The following GABRA4 variants were observed in gnomAD, a reference collection of about 807,000 sequenced individuals.
The protein encoded by GABRA4 is gamma-aminobutyric acid type A receptor subunit alpha4.
Under a neutral mutation model 49.7 loss-of-function variants are expected in GABRA4, and 12 were observed. The ratio of observed to expected loss-of-function variants is 0.24; its 90% CI spans 0.15 to 0.39. GABRA4 has a LOEUF of 0.39. GABRA4 is among the 10% of genes least tolerant of loss of function. The pLI, the probability that GABRA4 is intolerant of heterozygous loss-of-function variation, is 1.00. For synonymous variants in GABRA4, 288 were observed against 240.2 expected (o/e 1.20, Z -1.84); for missense variants, 506 against 686.0 (o/e 0.74, Z 2.93).
At chr4:46,979,742 C>T (rs570102511) in intron 2 of GABRA4, among the ~76,000 whole-genome samples, 7 of 152,112 alleles carry the variant, frequency 4.6e-5, no homozygotes, top group South Asian at 2.1e-4. Flanking sequence ...ATTTTGATAG[C>T]GATCAAATGA....
intron 8 of GABRA4, among the ~76,000 whole-genome samples, chr4:46,959,942 T>C (rs1266919971): frequency 1.3e-5 from 2 of 150,758 alleles, no homozygotes; most frequent in African/African-American, 4.9e-5. Context: ...CATGAGACAG[T>C]CAGTATATTT....
At chr4:46,971,779 A>G (rs1481786806) in intron 6 of GABRA4, among the ~76,000 whole-genome samples, 1 of 151,106 alleles carries the variant, frequency 6.6e-6, no homozygotes, top group Non-Finnish European at 1.5e-5. Context: ...GAGAGAGGCT[A>G]CCATAGTTTT....
chr4:46,976,961 C>T, intron 5 of GABRA4, 100 bp downstream of exon 5: 1 of 676,824 alleles, frequency 1.5e-6, no homozygotes, highest in Non-Finnish European at 2.6e-6. Context: ...TGTTATGGAC[C>T]ATGACTTAAA....
At chr4:46,937,386 G>A (rs911689761) in intron 8 of GABRA4, among the ~76,000 whole-genome samples, 5 of 151,984 alleles carry the variant, frequency 3.3e-5, no homozygotes, top group African/African-American at 7.3e-5. Flanking sequence ...ATAATCTAAC[G>A]TCAATAAAAT....
intron 2 of GABRA4, among the ~76,000 whole-genome samples, chr4:46,980,090 G>T (rs1723296293): frequency 6.6e-6 from 1 of 152,066 alleles, no homozygotes; most frequent in African/African-American, 2.4e-5. Flanking sequence ...CATAGGTAAA[G>T]ATATTAATGA....
intron 7 of GABRA4, among the ~76,000 whole-genome samples, chr4:46,967,653 C>A (rs1317822671): frequency 6.6e-6 from 1 of 151,666 alleles, no homozygotes; most frequent in South Asian, 2.1e-4. Flanking sequence ...GCTTCCTCTG[C>A]ATCCAGGAAG....
At chr4:46,990,475 CA>C (rs1723705695) in intron 2 of GABRA4, among the ~76,000 whole-genome samples, 1 of 152,156 alleles carries the variant, frequency 6.6e-6, no homozygotes, top group Non-Finnish European at 1.5e-5. Flanking sequence ...GCCAGCTGGG[CA>C]CATCTTATTT....
rs1342898258 is a variant in GABRA4 at position 46,928,207 on chromosome 4, A to G, written c.*18T>C. Reference sequence around the variant, plus strand: ...CTGCATTTTCATCATCTTTTAGCAAACTACTATAGCAACGAAATTACATTA... The same window carrying G: ...CTGCATTTTCATCATCTTTTAGCAAGCTACTATAGCAACGAAATTACATTA... On this transcript the variant is annotated 3_prime_UTR_variant, in exon 9 of 9. Transcript: ENST00000264318. 1 of 1,550,290 alleles carries G rather than the reference A, an allele frequency of 6.5e-7. No homozygotes were observed. The highest frequency in any genetic ancestry group is 2.0e-5 in the Admixed American group (1 of 51,160).
intron 2 of GABRA4, among the ~76,000 whole-genome samples, chr4:46,991,180 C>T (rs11727163): frequency 0.11 from 15,951 of 140,374 alleles, 904 homozygotes; most frequent in South Asian, 0.2. Context: ...AGCGAGACTC[C>T]ATCTCAAAGA....
In GABRA4 at chr4:46,978,980, A is replaced by G. The variant is rs563524517; in HGVS notation, c.273+51T>C. ...ATAAATATTAATTGCCCTCTTTTCT[A>G]CATGTTTTCTTCAAGTCTCAAAAGG... On this transcript the variant is annotated intron_variant, in intron 3 of 8. Transcript: ENST00000264318. 8.5e-6 allele frequency: 10 copies of G among 1,176,566 alleles called. No individual in the cohort carries two copies. The Admixed American group carries it at 8.6e-5, about 10-fold the overall frequency. The allele number at this position is 1,176,566 out of a possible 1,614,324, so 72.9% of individuals were successfully genotyped here. A position where few individuals can be genotyped will look rare whatever the true frequency, so the allele number is the denominator to read the frequency against.
intron 8 of GABRA4, among the ~76,000 whole-genome samples, chr4:46,935,696 A>T (rs1264807210): frequency 6.6e-6 from 1 of 152,104 alleles, no homozygotes; most frequent in Non-Finnish European, 1.5e-5. Flanking sequence ...GAGGGATAGC[A>T]TTGGGAGAAA....
rs568383559 is a variant in GABRA4 at position 46,927,868 on chromosome 4, G to T, written c.*357C>A. 1.7e-3 allele frequency: 297 copies of T among 172,832 alleles called. No individual in the cohort carries two copies. Among genetic ancestry groups the T allele is most frequent in the Middle Eastern group, 0.011 (4 of 362 alleles). 10.7% of individuals were successfully genotyped at this position (172,832 alleles called of 1,614,324 possible). A position where few individuals can be genotyped will look rare whatever the true frequency, so the allele number is the denominator to read the frequency against. ...TGCCACTGGGAAATTTAGGGTGGCA[G>T]GTTGATACTCATAGGGCAGATTTTT... On this transcript the variant is annotated 3_prime_UTR_variant, in exon 9 of 9. Coordinates refer to ENST00000264318, the MANE Select transcript of GABRA4 (RefSeq NM_000809.4).
chr4:46,971,457 C>A (rs1722945403), intron 6 of GABRA4, among the ~76,000 whole-genome samples: 1 of 151,438 alleles, frequency 6.6e-6, no homozygotes, highest in Non-Finnish European at 1.5e-5. Context: ...AATGATTAAG[C>A]AATTTAACAA....
At chr4:46,981,361 A>G (rs1360226409) in intron 2 of GABRA4, among the ~76,000 whole-genome samples, 1 of 152,172 alleles carries the variant, frequency 6.6e-6, no homozygotes, top group African/African-American at 2.4e-5. Context: ...GATAATAATG[A>G]ACATTTTCCA....
chr4:46,947,904 G>A (rs1722035346), intron 8 of GABRA4, among the ~76,000 whole-genome samples: 2 of 152,056 alleles, frequency 1.3e-5, no homozygotes, highest in African/African-American at 4.8e-5. Context: ...TTCACTCAGA[G>A]TCTCTCATGT....
Position 46,971,104 on chromosome 4 carries a change from C to A in GABRA4, c.853G>T (p.Val285Phe). The A allele has an allele frequency of 6.2e-7, 1 of 1,609,316 alleles. No homozygotes were observed. The highest frequency in any genetic ancestry group is 8.5e-7 in the Non-Finnish European group (1 of 1,177,006). The change falls in exon 7 of 9, where the codon GTT (valine) becomes TTT (phenylalanine). Residue 285 changes from valine (V) to phenylalanine (F), a missense_variant. Val to Phe is a conservative substitution (Grantham distance 50, BLOSUM62 -1). Transcript: ENST00000264318. ...QVSFWINKESVPARTVFGITT... is the reference protein window; with the variant it reads ...QVSFWINKESFPARTVFGITT... Reference sequence around the variant, plus strand: ...TTACCAAATACAGTCCTAGCGGGAACTGATTCTTTATTTATCCAAAATGAA... The same window carrying A: ...TTACCAAATACAGTCCTAGCGGGAAATGATTCTTTATTTATCCAAAATGAA...
rs1366968190 is a variant in GABRA4 at position 46,927,497 on chromosome 4, A to C, written c.*728T>G. The C allele has an allele frequency of 1.3e-5, 2 of 152,516 alleles. No homozygotes were observed. The highest frequency in any genetic ancestry group is 6.6e-5 in the Admixed American group (1 of 15,216). 9.4% of individuals were successfully genotyped at this position (152,516 alleles called of 1,614,324 possible). A position where few individuals can be genotyped will look rare whatever the true frequency, so the allele number is the denominator to read the frequency against. On this transcript the variant is annotated 3_prime_UTR_variant, in exon 9 of 9. Transcript: ENST00000264318. ...AGACAGTTTCTAGCATAGTTCCTGG[A>C]ACACAGTAGGCTCTGAATAACTATG...
At chr4:46,978,408 C>A (rs960617669) in intron 3 of GABRA4, among the ~76,000 whole-genome samples, 1 of 151,890 alleles carries the variant, frequency 6.6e-6, no homozygotes, top group East Asian at 1.9e-4. Context: ...GAAAAAACAG[C>A]CGGGCACGGT....
rs956089926 is a variant in GABRA4, at chr4:46,918,969, T to A, written c.*9256A>T. ...AATACATTAGAGGGATATAATGTTT[T>A]ATATTTTAATAATTCCAGAGTTTAG... On this transcript the variant is annotated 3_prime_UTR_variant, in exon 9 of 9. Transcript: ENST00000264318. The A allele has an allele frequency of 5.3e-5, 8 of 151,734 alleles. No homozygotes were observed. The highest frequency in any genetic ancestry group is 1.9e-4 in the African/African-American group (8 of 41,428). 9.4% of individuals were successfully genotyped at this position (151,734 alleles called of 1,614,324 possible).
Sources: gnomAD v4.1 joint callset for allele counts (sites outside exome capture counted in the v4.1 genomes callset) on GRCh38, gnomAD v4.1.1 for gene constraint, MANE v1.5 for transcripts, NCBI Gene and HGNC (gene_info 2026-07-23, HGNC 2026-07-21) for gene names.